Variants in TMEM33 observed in about 807,000 individuals in gnomAD.
The protein encoded by TMEM33 is transmembrane protein 33.
A neutral mutation model predicts 29.7 loss-of-function variants in TMEM33; 16 were observed. The observed-to-expected ratio is 0.54, with a 90% CI of 0.36 to 0.82. TMEM33 has a LOEUF of 0.82. Among genes scored for constraint, TMEM33 ranks in the 40% least tolerant of loss-of-function variants. The probability of loss-of-function intolerance (pLI) is 0.00; values close to 1 mark genes in which losing one functional copy is unlikely to be tolerated. For synonymous variants in TMEM33, 112 were observed against 109.4 expected, an observed-to-expected ratio of 1.02 and a Z score of -0.15; for missense variants, 252 against 295.3, an observed-to-expected ratio of 0.85 and a Z score of 1.08.
intron 3 of TMEM33, among the ~76,000 whole-genome samples, chr4:41,940,897 C>A (rs904185384): frequency 1.3e-5 from 2 of 150,494 alleles, no homozygotes; most frequent in Admixed American, 6.6e-5. Flanking sequence ...AATAAAGATG[C>A]TGATTTGCTG....
At chr4:41,954,039 G>A (rs1202461789) in intron 6 of TMEM33, 31 bp from the exon 7 acceptor site, 2 of 1,608,358 alleles carry the variant, frequency 1.2e-6, no homozygotes, top group Non-Finnish European at 1.7e-6. Context: ...TTTTCCTTGT[G>A]TTTCTCAAAG....
At position 41,959,187 on chromosome 4, in the gene TMEM33, A is replaced by C. The variant is rs1211568944; in HGVS notation, c.*4988A>C. The stretch of plus-strand genomic sequence containing the variant: ...GGAGCAGTCTTATATTCAGGGTAGA[A>C]AGTTATGATTGGATCTGCTGTTAAG... On this transcript the variant is annotated 3_prime_UTR_variant, in exon 7 of 7. Coordinates refer to ENST00000504986, the MANE Select transcript of TMEM33 (RefSeq NM_018126.3). 6.6e-6 allele frequency: 1 copy of C among 152,198 alleles called. No individual in the cohort carries two copies. The highest frequency in any genetic ancestry group is 2.1e-4 in the South Asian group (1 of 4,836). The allele number at this position is 152,198 out of a possible 1,614,324, so 9.4% of individuals were successfully genotyped here.
At chr4:41,952,278 C>T (rs909923342) in intron 6 of TMEM33, among the ~76,000 whole-genome samples, 4 of 152,090 alleles carry the variant, frequency 2.6e-5, no homozygotes, top group Non-Finnish European at 4.4e-5. Flanking sequence ...TATTATTATT[C>T]CTGTCTTTCT....
intron 4 of TMEM33, 124 bp from the exon 5 acceptor site, chr4:41,944,669 C>A: frequency 9.2e-7 from 1 of 1,091,270 alleles, no homozygotes; most frequent in Non-Finnish European, 1.3e-6. Context: ...AACTTCGTAC[C>A]ATCATTTCCA....
chr4:41,949,329 T>C lies in TMEM33; in HGVS notation c.558T>C (p.Phe186=). Residue 186 remains phenylalanine (F), a synonymous_variant, in exon 6 of 7, where the codon TTT becomes TTC. Transcript: ENST00000504986. ...GTCAAGGAAGTTTGCTCCAACCTTT[T>C]ATATACTATAGATTTCTTACCCTTC... ...FSGQGSLLQP[F]IYYRFLTLRY... 1.2e-6 allele frequency: 2 copies of C among 1,610,938 alleles called. No homozygotes were observed. The highest frequency in any genetic ancestry group is 8.5e-7 in the Non-Finnish European group (1 of 1,178,840).
In TMEM33 at chr4:41,960,090, A is replaced by G. The variant is rs1421871684; in HGVS notation, c.*5891A>G. On this transcript the variant is annotated 3_prime_UTR_variant, in exon 7 of 7. Transcript: ENST00000504986. ...CTAATGTAGGGCTCAGAGGGGAAAT[A>G]CAGTTCTCCTGCATATTTGAGAAAA... 1 of 152,198 alleles carries G rather than the reference A, an allele frequency of 6.6e-6. No homozygotes were observed. The highest frequency in any genetic ancestry group is 1.5e-5 in the Non-Finnish European group (1 of 68,010). 9.4% of individuals were successfully genotyped at this position (152,198 alleles called of 1,614,324 possible). A position where few individuals can be genotyped will look rare whatever the true frequency, so the allele number is the denominator to read the frequency against.
At position 41,960,103 on chromosome 4, in the gene TMEM33, A is replaced by G. The variant is rs1482683367; in HGVS notation, c.*5904A>G. The G allele has an allele frequency of 6.6e-6, 1 of 152,206 alleles. No individual in the cohort carries two copies. Among genetic ancestry groups the G allele is most frequent in the Non-Finnish European group, 1.5e-5 (1 of 68,014 alleles). 9.4% of individuals were successfully genotyped at this position (152,206 alleles called of 1,614,324 possible). Reference sequence around the variant, plus strand: ...CAGAGGGGAAATACAGTTCTCCTGCATATTTGAGAAAATGTGAAGTCCTTT... The same window carrying G: ...CAGAGGGGAAATACAGTTCTCCTGCGTATTTGAGAAAATGTGAAGTCCTTT... On this transcript the variant is annotated 3_prime_UTR_variant, in exon 7 of 7. Coordinates refer to ENST00000504986, the MANE Select transcript of TMEM33 (RefSeq NM_018126.3).
In TMEM33 at chr4:41,944,820, C is replaced by G. The variant is rs1371069315; in HGVS notation, c.424C>G (p.Leu142Val). The G allele has an allele frequency of 6.2e-7, 1 of 1,613,296 alleles. No homozygotes were observed. Among genetic ancestry groups the G allele is most frequent in the Non-Finnish European group, 8.5e-7 (1 of 1,179,790 alleles). ...DARGSNSLPL[L>V]RSVLDKLSAN... is the part of the protein sequence containing the mutation. Reference sequence around the variant, plus strand: ...AAGGGGCTCAAATAGTTTACCTCTGCTGAGATCTGTCTTGGACAAATTAAG... The same window carrying G: ...AAGGGGCTCAAATAGTTTACCTCTGGTGAGATCTGTCTTGGACAAATTAAG... Residue 142 changes from leucine (L) to valine (V), a missense_variant, in exon 5 of 7, where the codon CTG (leucine) becomes GTG (valine). By Grantham distance (32) the Leu-to-Val change is conservative (BLOSUM62 1). Transcript: ENST00000504986.
chr4:41,939,315 C>T lies in TMEM33; in HGVS notation c.260C>T (p.Ala87Val). Residue 87 changes from alanine to valine, a missense_variant, in exon 3 of 7, where the codon GCT becomes GTT. By Grantham distance (64) the Ala-to-Val change is moderately conservative. Transcript: ENST00000504986. ...TTAAGCAGAGCATTCCTGGCCCAGGCTTTGTTAGAGGACAGCTGCCACTAC... is the reference window on the plus strand; with the variant it reads ...TTAAGCAGAGCATTCCTGGCCCAGGTTTTGTTAGAGGACAGCTGCCACTAC... The part of the protein sequence containing the change: ...FQLSRAFLAQ[A>V]LLEDSCHYLL... 1.9e-6 allele frequency: 3 copies of T among 1,613,876 alleles called. No individual in the cohort carries two copies. The highest frequency in any genetic ancestry group is 2.5e-6 in the Non-Finnish European group (3 of 1,179,952).
At chr4:41,937,655 A>G (rs1019807405) in intron 1 of TMEM33, among the ~76,000 whole-genome samples, 1 of 152,202 alleles carries the variant, frequency 6.6e-6, no homozygotes, top group Non-Finnish European at 1.5e-5. Flanking sequence ...AGTAGGGTAA[A>G]TATTTGTGAA....
chr4:41,942,593 T>G (rs1577649572), intron 3 of TMEM33, among the ~76,000 whole-genome samples: 1 of 152,344 alleles, frequency 6.6e-6, no homozygotes, highest in Middle Eastern at 3.4e-3. Context: ...TTAGGACAAG[T>G]ATTTTTGCCA....
intron 3 of TMEM33, among the ~76,000 whole-genome samples, chr4:41,942,027 C>A (rs1386202552): frequency 6.6e-6 from 1 of 152,178 alleles, no homozygotes; most frequent in Non-Finnish European, 1.5e-5. Context: ...GAGCATGAAA[C>A]TTGACCTAGG....
Position 41,959,732 on chromosome 4 carries a change from C to T in TMEM33, c.*5533C>T, listed in dbSNP as rs998463051. The T allele has an allele frequency of 6.6e-6, 1 of 152,006 alleles. No homozygotes were observed. Among genetic ancestry groups the T allele is most frequent in the Non-Finnish European group, 1.5e-5 (1 of 67,984 alleles). The allele number at this position is 152,006 out of a possible 1,614,324, so 9.4% of individuals were successfully genotyped here. A position where few individuals can be genotyped will look rare whatever the true frequency, so the allele number is the denominator to read the frequency against. On this transcript the variant is annotated 3_prime_UTR_variant, in exon 7 of 7. Coordinates refer to ENST00000504986, the MANE Select transcript of TMEM33 (RefSeq NM_018126.3). The stretch of plus-strand genomic sequence containing the variant: ...ATATATTTTTAAGTTGAGACCAAAT[C>T]GGTGAAGTGTTGAGCAAGTAACATT...
intron 6 of TMEM33, among the ~76,000 whole-genome samples, chr4:41,951,929 G>A (rs1048444311): frequency 2.0e-5 from 3 of 152,152 alleles, no homozygotes; most frequent in Non-Finnish European, 2.9e-5. Flanking sequence ...TTGAGGTAAG[G>A]AGAGCCTTTG....
chr4:41,948,838 G>A (rs922360640), intron 5 of TMEM33, among the ~76,000 whole-genome samples: 3 of 151,952 alleles, frequency 2.0e-5, no homozygotes, highest in African/African-American at 7.2e-5. Context: ...TATTGTAATT[G>A]TGTTTTTTAA....
rs74553828 is a variant in TMEM33 at position 41,954,489 on chromosome 4, A to G, written c.*290A>G. On this transcript the variant is annotated 3_prime_UTR_variant, in exon 7 of 7. Coordinates refer to ENST00000504986, the MANE Select transcript of TMEM33 (RefSeq NM_018126.3). Reference sequence around the variant, plus strand: ...CTGTTGTGCCTATATCATGAAGTACATTAATTTCTCATGTAAAAAAAATAG... The same window carrying G: ...CTGTTGTGCCTATATCATGAAGTACGTTAATTTCTCATGTAAAAAAAATAG... 1.6e-5 allele frequency: 3 copies of G among 191,616 alleles called. No individual in the cohort carries two copies. In the East Asian group the frequency reaches 3.7e-4, roughly 24 times the overall value. 11.9% of individuals were successfully genotyped at this position (191,616 alleles called of 1,614,324 possible).
Position 41,955,669 on chromosome 4 carries a change from A to G in TMEM33, c.*1470A>G, listed in dbSNP as rs2153128316. The G allele has an allele frequency of 6.6e-6, 1 of 152,560 alleles. No individual in the cohort carries two copies. Among genetic ancestry groups the G allele is most frequent in the East Asian group, 1.9e-4 (1 of 5,186 alleles). 9.5% of individuals were successfully genotyped at this position (152,560 alleles called of 1,614,324 possible). On this transcript the variant is annotated 3_prime_UTR_variant, in exon 7 of 7. Coordinates refer to ENST00000504986, the MANE Select transcript of TMEM33 (RefSeq NM_018126.3). Reference sequence around the variant, plus strand: ...TCAGCTATTTTTGTATTTTTGTAATATTTGTCCACTAAGCTGGAGAAGCAG... The same window carrying G: ...TCAGCTATTTTTGTATTTTTGTAATGTTTGTCCACTAAGCTGGAGAAGCAG...
intron 5 of TMEM33, among the ~76,000 whole-genome samples, chr4:41,947,110 C>T (rs1455612631): frequency 6.6e-6 from 1 of 151,908 alleles, no homozygotes; most frequent in Non-Finnish European, 1.5e-5. Context: ...GTGGTGTGTG[C>T]CTGTAGTCCC....
chr4:41,939,720 G>A, intron 3 of TMEM33: 1 of 460,416 alleles, frequency 2.2e-6, no homozygotes, highest in Non-Finnish European at 4.3e-6. Flanking sequence ...TTTTGGCAAA[G>A]TGTCCAGATG....
Sources: allele counts gnomAD v4.1 joint callset (sites outside exome capture counted in the v4.1 genomes callset), GRCh38; gene constraint gnomAD v4.1.1; transcripts MANE v1.5; gene names NCBI Gene and HGNC (gene_info 2026-07-23, HGNC 2026-07-21).